PRKCE: variants seen among roughly 807,000 people sequenced by gnomAD.
PRKCE encodes protein kinase C epsilon type.
PRKCE carries 16 observed loss-of-function variants against 85.4 expected under a neutral mutation model. The ratio of observed to expected loss-of-function variants is 0.19; its 90% confidence interval spans 0.13 to 0.28. The LOEUF (loss-of-function observed/expected upper bound fraction) is 0.28, where lower values mean the gene tolerates loss of function less well. Among genes scored for constraint, PRKCE ranks in the 10% least tolerant of loss-of-function variants. PRKCE has a pLI of 1.00. For missense variants in PRKCE, 573 were observed against 975.2 expected, an observed-to-expected ratio of 0.59 and a Z score of 5.49; for synonymous variants, 388 against 371.5, an observed-to-expected ratio of 1.04 and a Z score of -0.51.
intron 10 of PRKCE, among the ~76,000 whole-genome samples, chr2:46,021,732 C>G (rs1428744680): frequency 1.3e-5 from 2 of 152,222 alleles, no homozygotes; most frequent in Admixed American, 1.3e-4. Flanking sequence ...TCTAAGTTAT[C>G]TAACCCGGTC....
At chr2:45,711,507 A>G (rs1305980237) in intron 1 of PRKCE, among the ~76,000 whole-genome samples, 1 of 152,260 alleles carries the variant, frequency 6.6e-6, no homozygotes, top group African/African-American at 2.4e-5. Context: ...GATTAAATGA[A>G]TTAGCATTTG....
chr2:45,775,619 A>G (rs1263242941), intron 1 of PRKCE, among the ~76,000 whole-genome samples: 1 of 152,130 alleles, frequency 6.6e-6, no homozygotes, highest in Admixed American at 6.6e-5. Flanking sequence ...CCTTCTCTTC[A>G]TTTCCACTAC....
chr2:45,771,801 C>T (rs948914668), intron 1 of PRKCE, among the ~76,000 whole-genome samples: 1 of 151,872 alleles, frequency 6.6e-6, no homozygotes, highest in Non-Finnish European at 1.5e-5. Flanking sequence ...TCCCCAGAGC[C>T]CTCTAGCCCA....
chr2:45,845,566 C>T (rs922933856), intron 2 of PRKCE: 5 of 152,146 alleles, frequency 3.3e-5, no homozygotes, highest in Non-Finnish European at 5.9e-5. Context: ...ACAAAGTTTA[C>T]AACACATGCA....
At chr2:45,985,532 C>G (rs1467104726) in intron 6 of PRKCE, among the ~76,000 whole-genome samples, 2 of 152,022 alleles carry the variant, frequency 1.3e-5, no homozygotes, top group African/African-American at 4.8e-5. Context: ...CATAAATTCC[C>G]ATTGTAGAAA....
chr2:46,091,114 G>A (rs1670122537), intron 11 of PRKCE, among the ~76,000 whole-genome samples: 1 of 151,912 alleles, frequency 6.6e-6, no homozygotes, highest in Admixed American at 6.5e-5. Context: ...TGCTGTCTCT[G>A]TGTCCCCTGC....
intron 1 of PRKCE, among the ~76,000 whole-genome samples, chr2:45,737,451 T>TG (rs1682171637): frequency 6.6e-6 from 1 of 152,146 alleles, no homozygotes; most frequent in Non-Finnish European, 1.5e-5. Context: ...TTTGTGCGGG[T>TG]GGGAACAGTG....
intron 10 of PRKCE, among the ~76,000 whole-genome samples, chr2:46,081,757 G>A (rs1438906637): frequency 6.6e-6 from 1 of 152,188 alleles, no homozygotes; most frequent in Non-Finnish European, 1.5e-5. Flanking sequence ...GCATATTAGA[G>A]AGTTTTCCGT....
At chr2:46,161,965 T>C (rs1281834715) in intron 14 of PRKCE, among the ~76,000 whole-genome samples, 2 of 151,966 alleles carry the variant, frequency 1.3e-5, no homozygotes, top group East Asian at 3.9e-4. Context: ...TGAACAGGTG[T>C]GGGTCTGAGG....
chr2:46,141,682 C>A (rs1194383519), intron 11 of PRKCE, among the ~76,000 whole-genome samples: 2 of 146,556 alleles, frequency 1.4e-5, no homozygotes, highest in Non-Finnish European at 3.0e-5. Context: ...CTGGATTTTC[C>A]CCCCTCTATT....
intron 1 of PRKCE, among the ~76,000 whole-genome samples, chr2:45,798,325 C>T (rs1420587711): frequency 6.6e-6 from 1 of 152,196 alleles, no homozygotes; most frequent in Non-Finnish European, 1.5e-5. Context: ...GAAACTGAGG[C>T]TCCCAAGAGT....
At chr2:46,115,716 A>G (rs1173776746) in intron 11 of PRKCE, among the ~76,000 whole-genome samples, 1 of 152,224 alleles carries the variant, frequency 6.6e-6, no homozygotes, top group Non-Finnish European at 1.5e-5. Context: ...TTTAGATGGA[A>G]GCAAGATTCA....
chr2:45,699,458 T>G (rs1678433899), intron 1 of PRKCE, among the ~76,000 whole-genome samples: 2 of 152,036 alleles, frequency 1.3e-5, no homozygotes, highest in Non-Finnish European at 2.9e-5. Context: ...GAGTTAACCA[T>G]GAGTTACAAA....
At chr2:45,754,451 A>G (rs1034525310) in intron 1 of PRKCE, among the ~76,000 whole-genome samples, 1 of 152,080 alleles carries the variant, frequency 6.6e-6, no homozygotes, top group Non-Finnish European at 1.5e-5. Flanking sequence ...TATGCACTTT[A>G]TTTATTCTCC....
Position 46,110,920 on chromosome 2 carries a change from A to G in PRKCE, c.1592+24558A>G, listed in dbSNP as rs151217817. On this transcript the variant is annotated intron_variant, in intron 11 of 14. Coordinates refer to ENST00000306156, the MANE Select transcript of PRKCE (RefSeq NM_005400.3). Reference sequence around the variant, plus strand: ...TTTTCACTAAGTTTAAAGTATTTTTAAATATTTCTTGAGAGTTCTTCTTTG... The same window carrying G: ...TTTTCACTAAGTTTAAAGTATTTTTGAATATTTCTTGAGAGTTCTTCTTTG... Among the ~76,000 whole-genome samples the G allele has an allele frequency of 3.7e-3, 566 of 152,290 alleles. 2 individuals carry two copies. Among genetic ancestry groups the G allele is most frequent in the African/African-American group, 0.013 (534 of 41,572 alleles).
At chr2:46,033,804 G>A (rs571453720) in intron 10 of PRKCE, among the ~76,000 whole-genome samples, 1 of 152,296 alleles carries the variant, frequency 6.6e-6, no homozygotes, top group East Asian at 1.9e-4. Context: ...GGAGAGTCAG[G>A]GCAACTGGGC....
chr2:45,889,003 C>CA (rs143867969), intron 2 of PRKCE, among the ~76,000 whole-genome samples: 1 of 152,154 alleles, frequency 6.6e-6, no homozygotes, highest in African/African-American at 2.4e-5. Flanking sequence ...GAGATACCCC[C>CA]AAAGAGGTAA....
chr2:45,954,007 C>G (rs1700806611), intron 2 of PRKCE, among the ~76,000 whole-genome samples: 1 of 152,186 alleles, frequency 6.6e-6, no homozygotes, highest in South Asian at 2.1e-4. Context: ...CTACTGCAAT[C>G]TTATCTAGTG....
intron 14 of PRKCE, among the ~76,000 whole-genome samples, chr2:46,171,528 C>T (rs1265573463): frequency 1.3e-5 from 2 of 152,204 alleles, no homozygotes; most frequent in African/African-American, 4.8e-5. Context: ...CAGGATAGTA[C>T]ATGCCAGGGG....
Sources: allele counts gnomAD v4.1 joint callset (sites outside exome capture counted in the v4.1 genomes callset), GRCh38; gene constraint gnomAD v4.1.1; transcripts MANE v1.5; gene names NCBI Gene and HGNC (gene_info 2026-07-23, HGNC 2026-07-21).